GPR65: variants seen among roughly 807,000 people sequenced by gnomAD.
GPR65 encodes T-cell death-associated gene 8 protein.
In GPR65, 2 loss-of-function variants were observed where a neutral mutation model predicts 0.7. That is an observed-to-expected ratio of 2.83 (90% CI 1.16 to 8.92). The LOEUF (loss-of-function observed/expected upper bound fraction) is 8.92, where lower values mean the gene tolerates loss of function less well. Among genes scored for constraint, GPR65 ranks in the 30% most tolerant of loss-of-function variants. GPR65 has a pLI of 0.04. For synonymous variants in GPR65, 128 were observed against 146.5 expected, an observed-to-expected ratio of 0.87 and a Z score of 0.91; for missense variants, 379 against 399.4, an observed-to-expected ratio of 0.95 and a Z score of 0.43.
In GPR65 at chr14:88,011,502, A is replaced by G; in HGVS notation, c.655A>G (p.Lys219Glu). The part of the protein sequence containing the change: ...AVRHNKATEN[K>E]EKKRIIKLLV... ...GCGGCACAATAAAGCCACGGAAAAC[A>G]AGGAAAAGAAGAGAATCATAAAACT... is the stretch of plus-strand genomic sequence containing the variant. The change falls in exon 2 of 2, where the codon AAG becomes GAG. Residue 219 changes from lysine to glutamate, a missense_variant. Coordinates refer to ENST00000267549, the MANE Select transcript of GPR65 (RefSeq NM_003608.4). The G allele has an allele frequency of 6.2e-7, 1 of 1,614,118 alleles. No individual in the cohort carries two copies. Among genetic ancestry groups the G allele is most frequent in the Non-Finnish European group, 8.5e-7 (1 of 1,179,986 alleles).
rs1887688905 is a variant in GPR65, at chr14:88,011,942, TAG to T, written c.*82_*83del. Reference sequence around the variant, plus strand: ...AAGATTACATTTTGAAAAGGAAATCTAGCATGTGAGGGGACTAAGTGTTCTCA... The same window carrying T: ...AAGATTACATTTTGAAAAGGAAATCTCATGTGAGGGGACTAAGTGTTCTCA... On this transcript the variant is annotated 3_prime_UTR_variant, in exon 2 of 2. Coordinates refer to ENST00000267549, the MANE Select transcript of GPR65 (RefSeq NM_003608.4). The T allele has an allele frequency of 7.5e-6, 8 of 1,068,340 alleles. No individual in the cohort carries two copies. The highest frequency in any genetic ancestry group is 2.1e-4 in the Middle Eastern group (1 of 4,764). 66.2% of individuals were successfully genotyped at this position (1,068,340 alleles called of 1,614,324 possible).
chr14:88,011,856 G>C lies in GPR65; in HGVS notation c.1009G>C (p.Glu337Gln). 9 of 1,542,238 alleles carry C rather than the reference G, an allele frequency of 5.8e-6. No individual in the cohort carries two copies. The highest frequency in any genetic ancestry group is 1.4e-5 in the African/African-American group (1 of 72,466). Residue 337 changes from glutamate to glutamine, a missense_variant, in exon 2 of 2, where the codon GAG becomes CAG. Coordinates refer to ENST00000267549, the MANE Select transcript of GPR65 (RefSeq NM_003608.4). ...AGATACTATGGAATTAGAGGTCCTTGAGTAGAACCAAGGATGTTTTGAAGG... is the reference window on the plus strand; with the variant it reads ...AGATACTATGGAATTAGAGGTCCTTCAGTAGAACCAAGGATGTTTTGAAGG... ...TKDTMELEVLE is the reference protein window; with the variant it reads ...TKDTMELEVLQ
At position 88,011,602 on chromosome 14, in the gene GPR65, T is replaced by C. The variant is rs1887682937; in HGVS notation, c.755T>C (p.Leu252Ser). Residue 252 changes from leucine to serine, a missense_variant, in exon 2 of 2, where the codon TTA becomes TCA. Coordinates refer to ENST00000267549, the MANE Select transcript of GPR65 (RefSeq NM_003608.4). ...FHVMLLIRCI[L>S]EHAVNFEDHS... ...GTGATGTTGCTGATTCGCTGCATTTTAGAGCATGCTGTGAACTTCGAAGAC... is the reference window on the plus strand; with the variant it reads ...GTGATGTTGCTGATTCGCTGCATTTCAGAGCATGCTGTGAACTTCGAAGAC... 6.2e-7 allele frequency: 1 copy of C among 1,614,034 alleles called. No individual in the cohort carries two copies. Among genetic ancestry groups the C allele is most frequent in the African/African-American group, 1.3e-5 (1 of 74,938 alleles).
At position 88,012,952 on chromosome 14, in the gene GPR65, T is replaced by C. The variant is rs1360352033; in HGVS notation, c.*1091T>C. Reference sequence around the variant, plus strand: ...TTTTAATTTATAACTGGGTATAACATAGCTGAAATTACCAGAAGTTTAATG... The same window carrying C: ...TTTTAATTTATAACTGGGTATAACACAGCTGAAATTACCAGAAGTTTAATG... On this transcript the variant is annotated 3_prime_UTR_variant, in exon 2 of 2. Transcript: ENST00000267549. The C allele has an allele frequency of 1.3e-5, 2 of 152,176 alleles. No homozygotes were observed. Among genetic ancestry groups the C allele is most frequent in the Admixed American group, 6.5e-5 (1 of 15,272 alleles). The allele number at this position is 152,176 out of a possible 1,614,324, so 9.4% of individuals were successfully genotyped here. A position where few individuals can be genotyped will look rare whatever the true frequency, so the allele number is the denominator to read the frequency against.
chr14:88,006,928 T>C (rs1406292033), intron 1 of GPR65, among the ~76,000 whole-genome samples: 2 of 152,200 alleles, frequency 1.3e-5, no homozygotes, highest in Non-Finnish European at 2.9e-5. Context: ...TGAGTGGTAG[T>C]TTACCTGAAA....
rs1355374598 is a variant in GPR65, at chr14:88,012,428, C to G, written c.*567C>G. 2 of 152,148 alleles carry G rather than the reference C, an allele frequency of 1.3e-5. No individual in the cohort carries two copies. The highest frequency in any genetic ancestry group is 2.9e-5 in the Non-Finnish European group (2 of 68,062). The allele number at this position is 152,148 out of a possible 1,614,324, so 9.4% of individuals were successfully genotyped here. On this transcript the variant is annotated 3_prime_UTR_variant, in exon 2 of 2. Transcript: ENST00000267549. The stretch of plus-strand genomic sequence containing the variant: ...AGTGATTTTTTGTATATTCACAGAG[C>G]TGTGCAACCATCACCACACTCAAAA...
At chr14:88,006,619 C>T (rs1260196022) in intron 1 of GPR65, among the ~76,000 whole-genome samples, 1 of 152,042 alleles carries the variant, frequency 6.6e-6, no homozygotes, top group Non-Finnish European at 1.5e-5. Context: ...TCTGTCATAC[C>T]ATTTTTAAAG....
Position 88,013,047 on chromosome 14 carries a change from C to CTTTTT in GPR65, c.*1199_*1203dup, listed in dbSNP as rs11419446. Reference sequence around the variant, plus strand: ...AGAATGTTAGAATATTTTGAGAGTTCTTTTTTTTTTTTTTTTTGAGTCAGA... The same window carrying CTTTTT: ...AGAATGTTAGAATATTTTGAGAGTTCTTTTTTTTTTTTTTTTTTTTTTGAGTCAGA... On this transcript the variant is annotated 3_prime_UTR_variant, in exon 2 of 2. Coordinates refer to ENST00000267549, the MANE Select transcript of GPR65 (RefSeq NM_003608.4). 1 of 133,318 alleles carries CTTTTT rather than the reference C, an allele frequency of 7.5e-6. No homozygotes were observed. Among genetic ancestry groups the CTTTTT allele is most frequent in the Non-Finnish European group, 1.6e-5 (1 of 63,110 alleles). The allele number at this position is 133,318 out of a possible 1,614,324, so 8.3% of individuals were successfully genotyped here.
At chr14:88,008,004 T>A (rs1162960369) in intron 1 of GPR65, among the ~76,000 whole-genome samples, 1 of 152,180 alleles carries the variant, frequency 6.6e-6, no homozygotes, top group Non-Finnish European at 1.5e-5. Context: ...TATTTATTTA[T>A]TGTTTTCTCT....
Position 88,012,071 on chromosome 14 carries a change from A to C in GPR65, c.*210A>C. On this transcript the variant is annotated 3_prime_UTR_variant, in exon 2 of 2. Transcript: ENST00000267549. ...TGATGTATATTAAACAAAGATCAAT[A>C]TTTTCTTAATGACTCAGGGTCTTTA... The C allele has an allele frequency of 7.2e-6, 3 of 418,738 alleles. No homozygotes were observed. Among genetic ancestry groups the C allele is most frequent in the East Asian group, 3.9e-5 (1 of 25,914 alleles). The allele number at this position is 418,738 out of a possible 1,614,324, so 25.9% of individuals were successfully genotyped here. A position where few individuals can be genotyped will look rare whatever the true frequency, so the allele number is the denominator to read the frequency against.
Position 88,010,424 on chromosome 14 carries a change from G to T in GPR65, c.-424G>T, listed in dbSNP as rs1887656137. The T allele has an allele frequency of 6.3e-6, 1 of 158,374 alleles. No homozygotes were observed. Among genetic ancestry groups the T allele is most frequent in the Non-Finnish European group, 1.4e-5 (1 of 71,598 alleles). The allele number at this position is 158,374 out of a possible 1,614,324, so 9.8% of individuals were successfully genotyped here. On this transcript the variant is annotated 5_prime_UTR_variant, in exon 2 of 2. Transcript: ENST00000267549. The stretch of plus-strand genomic sequence containing the variant: ...ATTTTAAAAGGAAATACCAATCTCT[G>T]TGCAAACAAAGCCTTGTATATTCAT...
intron 1 of GPR65, among the ~76,000 whole-genome samples, chr14:88,009,169 T>C (rs911667033): frequency 2.0e-5 from 3 of 152,166 alleles, no homozygotes; most frequent in African/African-American, 7.2e-5. Context: ...GTTTTGTCTC[T>C]AGTTTCTCTG....
intron 1 of GPR65, among the ~76,000 whole-genome samples, chr14:88,007,031 T>C (rs746024164): frequency 5.1e-4 from 78 of 152,194 alleles, no homozygotes; most frequent in Non-Finnish European, 2.4e-4. Context: ...TTGGAACTTT[T>C]AATCTTCTGC....
chr14:88,009,513 G>T (rs1405888856), intron 1 of GPR65, among the ~76,000 whole-genome samples: 1 of 152,110 alleles, frequency 6.6e-6, no homozygotes, highest in Non-Finnish European at 1.5e-5. Context: ...TTGGGAGGGA[G>T]TGATTCTGGT....
In GPR65 at chr14:88,011,945, C is replaced by A. The variant is rs1370822943; in HGVS notation, c.*84C>A. On this transcript the variant is annotated 3_prime_UTR_variant, in exon 2 of 2. Transcript: ENST00000267549. ...ATTACATTTTGAAAAGGAAATCTAG[C>A]ATGTGAGGGGACTAAGTGTTCTCAG... The A allele has an allele frequency of 7.1e-6, 7 of 980,688 alleles. No homozygotes were observed. The East Asian group carries it at 1.2e-4, about 17-fold the overall frequency. The allele number at this position is 980,688 out of a possible 1,614,324, so 60.7% of individuals were successfully genotyped here.
chr14:88,009,930 A>G (rs1327614804), intron 1 of GPR65, among the ~76,000 whole-genome samples: 4 of 152,210 alleles, frequency 2.6e-5, no homozygotes, highest in African/African-American at 7.2e-5. Flanking sequence ...TATTTCTATT[A>G]TAGTATTTCT....
chr14:88,005,268 C>G (rs1217451763), intron 1 of GPR65, 46 bp downstream of exon 1: 1 of 152,222 alleles, frequency 6.6e-6, no homozygotes, highest in African/African-American at 2.4e-5. Flanking sequence ...AAGTAGATAA[C>G]ATGCTTTGGC....
chr14:88,007,034 T>A (rs867619940), intron 1 of GPR65, among the ~76,000 whole-genome samples: 6 of 152,210 alleles, frequency 3.9e-5, no homozygotes, highest in African/African-American at 1.2e-4. Flanking sequence ...GAACTTTTAA[T>A]CTTCTGCTGT....
At chr14:88,006,273 T>C (rs747418063) in intron 1 of GPR65, among the ~76,000 whole-genome samples, 4 of 152,190 alleles carry the variant, frequency 2.6e-5, no homozygotes, top group Non-Finnish European at 5.9e-5. Flanking sequence ...GCCTCCCATG[T>C]GCTAGGAACT....
Sources: allele counts gnomAD v4.1 joint callset (sites outside exome capture counted in the v4.1 genomes callset), GRCh38; gene constraint gnomAD v4.1.1; transcripts MANE v1.5; gene names NCBI Gene and HGNC (gene_info 2026-07-23, HGNC 2026-07-21).